The following MSMO1 variants were observed in gnomAD, a reference collection of about 807,000 sequenced individuals.
MSMO1 encodes methylsterol monooxygenase 1, also known as C-4 methylsterol oxidase.
In MSMO1, 18 loss-of-function variants were observed where a neutral mutation model predicts 30.4. The ratio of observed to expected loss-of-function variants is 0.59; its 90% CI spans 0.41 to 0.88. The LOEUF (loss-of-function observed/expected upper bound fraction) is 0.88. Ranked by LOEUF, MSMO1 falls within the 40% of genes least tolerant of loss-of-function variation. The pLI, the probability that MSMO1 is intolerant of heterozygous loss-of-function variation, is 0.00. For synonymous variants in MSMO1, 84 were observed against 107.9 expected (o/e 0.78, Z 1.37); for missense variants, 284 against 340.5 (o/e 0.83, Z 1.31).
chr4:165,341,613 G>A (rs1393426152), intron 5 of MSMO1, 138 bp from the exon 6 acceptor site: 1 of 685,760 alleles, frequency 1.5e-6, no homozygotes, highest in African/African-American at 1.8e-5. Flanking sequence ...TGCTGTTTGT[G>A]AACACTTAGA....
intron 1 of MSMO1, 95 bp downstream of exon 1, chr4:165,327,859 G>A (rs1747280285): frequency 6.6e-6 from 1 of 152,648 alleles, no homozygotes; most frequent in Admixed American, 6.5e-5. Flanking sequence ...CGGGTTCTGG[G>A]TGCGGATGCA....
rs1470784234 is a variant in MSMO1, at chr4:165,333,225, T to A, written c.-31-115T>A. The A allele has an allele frequency of 8.5e-6, 7 of 827,834 alleles. No homozygotes were observed. In the African/African-American group the frequency reaches 1.0e-4, roughly 12 times the overall value. The allele number at this position is 827,834 out of a possible 1,614,324, so 51.3% of individuals were successfully genotyped here. ...CCTTTAGTAATTTTTTGGTAAAAAATTTATACTCCTTTAGTAATTATCATT... is the reference window on the plus strand; with the variant it reads ...CCTTTAGTAATTTTTTGGTAAAAAAATTATACTCCTTTAGTAATTATCATT... On this transcript the variant is annotated intron_variant, in intron 1 of 5. Coordinates refer to ENST00000261507, the MANE Select transcript of MSMO1 (RefSeq NM_006745.5).
intron 5 of MSMO1, among the ~76,000 whole-genome samples, chr4:165,341,313 T>G (rs1560851712): frequency 7.5e-6 from 1 of 133,912 alleles, no homozygotes; most frequent in Non-Finnish European, 1.7e-5. Context: ...TATACAGGGA[T>G]TCATGGGCCT....
chr4:165,336,249 AC>A (rs1203650593), intron 2 of MSMO1, among the ~76,000 whole-genome samples: 10 of 149,738 alleles, frequency 6.7e-5, no homozygotes, highest in Non-Finnish European at 8.9e-5. Flanking sequence ...AAAAAAAAAA[AC>A]ATACATCTTA....
At chr4:165,331,278 T>TG (rs888107563) in intron 1 of MSMO1, among the ~76,000 whole-genome samples, 1 of 150,884 alleles carries the variant, frequency 6.6e-6, no homozygotes, top group Non-Finnish European at 1.5e-5. Context: ...CACTCCAGCT[T>TG]GGGTGACAGA....
At position 165,341,961 on chromosome 4, in the gene MSMO1, C is replaced by A. The variant is rs1747728311; in HGVS notation, c.*15C>A. The A allele has an allele frequency of 1.3e-6, 2 of 1,589,478 alleles. No homozygotes were observed. Among genetic ancestry groups the A allele is most frequent in the African/African-American group, 2.7e-5 (2 of 74,462 alleles). On this transcript the variant is annotated 3_prime_UTR_variant, in exon 6 of 6. Transcript: ENST00000261507. Reference sequence around the variant, plus strand: ...AGACTGAATAAATATCTCACGTAAACCTTCCTGAAAGATAAACGTTTTCCT... The same window carrying A: ...AGACTGAATAAATATCTCACGTAAAACTTCCTGAAAGATAAACGTTTTCCT...
In MSMO1 at chr4:165,342,066, A is replaced by T; in HGVS notation, c.*120A>T. Reference sequence around the variant, plus strand: ...TTCTGGCTACTAAGTGATAAAAAGAACATTAACAACCTTTAATTACCTTCC... The same window carrying T: ...TTCTGGCTACTAAGTGATAAAAAGATCATTAACAACCTTTAATTACCTTCC... On this transcript the variant is annotated 3_prime_UTR_variant, in exon 6 of 6. Coordinates refer to ENST00000261507, the MANE Select transcript of MSMO1 (RefSeq NM_006745.5). The T allele has an allele frequency of 2.3e-6, 2 of 853,198 alleles. No homozygotes were observed. The highest frequency in any genetic ancestry group is 3.7e-6 in the Non-Finnish European group (2 of 537,522). The allele number at this position is 853,198 out of a possible 1,614,324, so 52.9% of individuals were successfully genotyped here.
chr4:165,340,430 T>C, intron 5 of MSMO1, 55 bp downstream of exon 5: 2 of 1,429,132 alleles, frequency 1.4e-6, no homozygotes, highest in Non-Finnish European at 2.0e-6. Context: ...TTTATTTTCA[T>C]GGCCATAAGA....
rs1465971123 is a variant in MSMO1, at chr4:165,333,587, C to T, written c.217C>T (p.Gln73Ter). 6.2e-7 allele frequency: 1 copy of T among 1,600,066 alleles called. No individual in the cohort carries two copies. Among genetic ancestry groups the T allele is most frequent in the East Asian group, 2.2e-5 (1 of 44,676 alleles). The change falls in exon 2 of 6, where the codon CAA becomes TAA. Residue 73 changes from glutamine (Q) to a stop codon, truncating the protein, a stop_gained. Transcript: ENST00000261507. LOFTEE classifies it high-confidence loss of function. ...FLFCLPGFLF[Q>*]FIPYMKKYKI... The stretch of plus-strand genomic sequence containing the variant: ...ATTCTGTTTACCTGGATTTTTATTT[C>T]AATTTATACCTTATATGAAAAAATA...
chr4:165,339,078 T>C (rs1747642069), intron 4 of MSMO1, among the ~76,000 whole-genome samples: 1 of 145,004 alleles, frequency 6.9e-6, no homozygotes, highest in Non-Finnish European at 1.5e-5. Context: ...ACAAAAACAG[T>C]AACTTCTATG....
intron 5 of MSMO1, among the ~76,000 whole-genome samples, chr4:165,341,373 ATATT>A (rs973041914): frequency 2.0e-5 from 3 of 152,190 alleles, no homozygotes; most frequent in Non-Finnish European, 4.4e-5. Flanking sequence ...CCTAAAAAAC[ATATT>A]TAGTATTTTG....
At position 165,340,278 on chromosome 4, in the gene MSMO1, A is replaced by G; in HGVS notation, c.589A>G (p.Thr197Ala). Residue 197 changes from threonine to alanine, a missense_variant, in exon 5 of 6, where the codon ACT becomes GCT. Coordinates refer to ENST00000261507, the MANE Select transcript of MSMO1 (RefSeq NM_006745.5). ...TCCTTTGGAGACTCTAATTCTTGGA[A>G]CTGGATTTTTCATTGGAATCGTGCT... ...AHPLETLILG[T>A]GFFIGIVLLC... The G allele has an allele frequency of 6.2e-7, 1 of 1,613,986 alleles. No individual in the cohort carries two copies. The highest frequency in any genetic ancestry group is 8.5e-7 in the Non-Finnish European group (1 of 1,179,942).
At position 165,337,787 on chromosome 4, in the gene MSMO1, AG is replaced by A; in HGVS notation, c.256del. 3 of 1,613,480 alleles carry A rather than the reference AG, an allele frequency of 1.9e-6. No individual in the cohort carries two copies. The highest frequency in any genetic ancestry group is 2.5e-6 in the Non-Finnish European group (3 of 1,179,612). On this transcript the variant is annotated splice_acceptor_variant, in intron 2 of 5. Transcript: ENST00000261507. LOFTEE classifies it high-confidence loss of function. The stretch of plus-strand genomic sequence containing the variant: ...ATTAGATATTGTGATTTTTCTTCGT[AG>A]GATAAGCCAGAGACATGGGAAAACC...
intron 2 of MSMO1, among the ~76,000 whole-genome samples, chr4:165,337,553 T>C (rs1483366924): frequency 6.6e-6 from 1 of 152,240 alleles, no homozygotes; most frequent in East Asian, 1.9e-4. Flanking sequence ...CATTCCATAG[T>C]GTTTCTTAGT....
At chr4:165,327,948 T>C (rs2126611737) in intron 1 of MSMO1, 184 bp downstream of exon 1, 1 of 152,304 alleles carries the variant, frequency 6.6e-6, no homozygotes, top group East Asian at 1.9e-4. Context: ...TAGGCTAAGG[T>C]ACGTGCTAGA....
chr4:165,335,507 C>T (rs1747513199), intron 2 of MSMO1, among the ~76,000 whole-genome samples: 1 of 152,108 alleles, frequency 6.6e-6, no homozygotes, highest in African/African-American at 2.4e-5. Flanking sequence ...TCTAATGCAC[C>T]TTTAGGGTGA....
chr4:165,334,815 A>G (rs1747495370), intron 2 of MSMO1, among the ~76,000 whole-genome samples: 1 of 152,210 alleles, frequency 6.6e-6, no homozygotes, highest in Non-Finnish European at 1.5e-5. Context: ...TAGAAAGTAG[A>G]CCATTGAGAG....
chr4:165,337,501 G>A (rs1402528299), intron 2 of MSMO1, among the ~76,000 whole-genome samples: 1 of 152,210 alleles, frequency 6.6e-6, no homozygotes, highest in Admixed American at 6.5e-5. Context: ...GGTAAAAGAA[G>A]TGAAGTGAAT....
In MSMO1 at chr4:165,342,456, C is replaced by T. The variant is rs1747743034; in HGVS notation, c.*510C>T. The T allele has an allele frequency of 6.6e-6, 1 of 152,244 alleles. No homozygotes were observed. Among genetic ancestry groups the T allele is most frequent in the African/African-American group, 2.4e-5 (1 of 41,354 alleles). 9.4% of individuals were successfully genotyped at this position (152,244 alleles called of 1,614,324 possible). ...TCACTGCAACCTCTGCCTCCCAGTT[C>T]AAGCAATTCTTCTGCCTCAGCCTCC... On this transcript the variant is annotated 3_prime_UTR_variant, in exon 6 of 6. Transcript: ENST00000261507.
Sources: gnomAD v4.1 joint callset for allele counts (sites outside exome capture counted in the v4.1 genomes callset) on GRCh38, gnomAD v4.1.1 for gene constraint, MANE v1.5 for transcripts, NCBI Gene and HGNC (gene_info 2026-07-23, HGNC 2026-07-21) for gene names.